ZNF782: variants seen among roughly 807,000 people sequenced by gnomAD.
The protein encoded by ZNF782 is zinc finger protein 782.
A neutral mutation model predicts 13.0 loss-of-function variants in ZNF782; 12 were observed. That is an observed-to-expected ratio of 0.92 (90% confidence interval 0.59 to 1.50). The LOEUF is 1.50. Among genes scored for constraint, ZNF782 ranks in the 40% most tolerant of loss-of-function variants. The pLI, the probability that ZNF782 is intolerant of heterozygous loss-of-function variation, is 0.00. For missense variants in ZNF782, 770 were observed against 822.9 expected (o/e 0.94, Z 0.79); for synonymous variants, 284 against 283.0 (o/e 1.00, Z -0.04).
At chr9:96,921,350 C>T in the ZNF782 span, among the ~76,000 whole-genome samples, 3 of 139,610 alleles carry the variant, frequency 2.1e-5, no homozygotes, top group Admixed American at 7.2e-5. Flanking sequence ...CTGGCTAACA[C>T]GGTGAAAGCC....
At chr9:96,858,343 T>C (rs1383536256), upstream of ZNF782, among the ~76,000 whole-genome samples, 1 of 152,182 alleles carries the variant, frequency 6.6e-6, no homozygotes, top group East Asian at 1.9e-4. This position sits in a 1 kb window ranked among gnomAD's most constrained non-coding sequence, Gnocchi z 4.4. Context: ...CACCCAATGC[T>C]CACCTCACTC....
Position 96,818,218 on chromosome 9 carries a change from T to C in ZNF782, c.1805A>G (p.Lys602Arg). 6.2e-7 allele frequency: 1 copy of C among 1,614,028 alleles called. No individual in the cohort carries two copies. The change falls in exon 6 of 6, where the codon AAA becomes AGA. Residue 602 changes from lysine to arginine, a missense_variant. Lys to Arg is a conservative substitution (Grantham distance 26). Transcript: ENST00000481138. ...TCTCTGATGCCCTCTGAGATTTGAT[T>C]TCTGCCTGAATGTTTTTCCACACTC... ...CEECGKTFRQ[K>R]SNLRGHQRTH... is the part of the protein sequence containing the mutation.
chr9:96,925,040 G>C, the ZNF782 span, among the ~76,000 whole-genome samples: 1 of 152,174 alleles, frequency 6.6e-6, no homozygotes, highest in Non-Finnish European at 1.5e-5. Flanking sequence ...TTTATTTTTA[G>C]GTAACACCAC....
intron 1 of ZNF782, among the ~76,000 whole-genome samples, chr9:96,863,448 G>C (rs12236179): frequency 4.6e-5 from 7 of 151,944 alleles, no homozygotes; most frequent in Admixed American, 1.3e-4. Flanking sequence ...TATGGAAAAC[G>C]GTGTGGGGAT....
At chr9:96,830,524 C>T (rs1446089920) in intron 4 of ZNF782, among the ~76,000 whole-genome samples, 1 of 152,138 alleles carries the variant, frequency 6.6e-6, no homozygotes, top group Non-Finnish European at 1.5e-5. Context: ...CTCTAGGTGC[C>T]GACAGAGGCT....
At chr9:96,910,339 G>A in the ZNF782 span, 37 of 598,650 alleles carry the variant, frequency 6.2e-5, 1 homozygote, top group South Asian at 5.0e-4. Flanking sequence ...CAGGCAAGCG[G>A]GCAGCTGAAG....
chr9:96,885,984 A>G, the ZNF782 span, among the ~76,000 whole-genome samples: 2 of 152,200 alleles, frequency 1.3e-5, no homozygotes, highest in South Asian at 4.2e-4. Context: ...AGCAGCTGGG[A>G]CCACAGGCAC....
rs780745729 is a variant in ZNF782, at chr9:96,818,012, C to T, written c.2011G>A (p.Glu671Lys). 2.5e-6 allele frequency: 4 copies of T among 1,613,940 alleles called. No homozygotes were observed. The highest frequency in any genetic ancestry group is 1.7e-5 in the Admixed American group (1 of 59,998). ...LRVHQRTHTG[E>K]KPYKCDKCGR... ...CATTTATCACATTTATAGGGTTTCT[C>T]CCCTGTGTGAGTTCTCTGATGTACT... Residue 671 changes from glutamate (E) to lysine (K), a missense_variant, in exon 6 of 6, where the codon GAG becomes AAG. Glu to Lys is a moderately conservative substitution (Grantham distance 56). Transcript: ENST00000481138.
At chr9:96,893,917 G>A in the ZNF782 span, 98 of 141,538 alleles carry the variant, frequency 6.9e-4, 14 homozygotes, top group African/African-American at 2.9e-3. Flanking sequence ...GGAGAATGCC[G>A]TGAACCCGGG....
At chr9:96,871,163 G>C (rs535440145) in intron 1 of ZNF782, among the ~76,000 whole-genome samples, 1 of 152,146 alleles carries the variant, frequency 6.6e-6, no homozygotes, top group Non-Finnish European at 1.5e-5. Flanking sequence ...GAGGTGTCCT[G>C]AAAGTTTCAG....
rs573351688 is a variant in ZNF782, at chr9:96,872,772, G to A, written c.-457+2696C>T. 7.2e-5 allele frequency among the ~76,000 whole-genome samples: 11 copies of A among 152,022 alleles called. No individual in the cohort carries two copies. In the South Asian group the frequency reaches 2.3e-3, roughly 32 times the overall value. ...TTATTACACTTAAAATCACTCTCTG[G>A]CCACAATACTTAGTGGCATAGCGTA... is the stretch of plus-strand genomic sequence containing the variant. On this transcript the variant is annotated intron_variant, in intron 1 of 5. Transcript: ENST00000498811.
intron 1 of ZNF782, among the ~76,000 whole-genome samples, chr9:96,867,605 C>T (rs751214653): frequency 3.9e-5 from 6 of 152,168 alleles, no homozygotes; most frequent in East Asian, 1.9e-4. Context: ...TTGATCTTTC[C>T]GCTTTCCTAA....
intron 5 of ZNF782, among the ~76,000 whole-genome samples, chr9:96,824,357 C>T (rs865996263): frequency 0.048 from 7,054 of 147,220 alleles, 432 homozygotes; most frequent in African/African-American, 0.16. Context: ...TTCAACAACC[C>T]TTCATGCTAA....
the ZNF782 span, among the ~76,000 whole-genome samples, chr9:96,916,113 G>A: frequency 1.3e-5 from 2 of 151,942 alleles, no homozygotes; most frequent in Non-Finnish European, 1.5e-5. Flanking sequence ...TTAAAGCTTC[G>A]TCTCTTCACT....
chr9:96,887,323 A>AGGGAGGG, the ZNF782 span: 7 of 148,744 alleles, frequency 4.7e-5, no homozygotes, highest in African/African-American at 1.8e-4. Context: ...GGAAGGAAGG[A>AGGGAGGG]AGGAAGGAAG....
the ZNF782 span, among the ~76,000 whole-genome samples, chr9:96,901,506 A>G: frequency 1.3e-5 from 2 of 151,810 alleles, no homozygotes; most frequent in African/African-American, 4.8e-5. Context: ...TCCTGACCTA[A>G]GGAGATCCTC....
chr9:96,827,221 T>C, intron 4 of ZNF782, 40 bp from the exon 5 acceptor site: 2 of 1,434,210 alleles, frequency 1.4e-6, no homozygotes, highest in East Asian at 2.3e-5. Flanking sequence ...ATTAGTTGCA[T>C]AGGTTCTACT....
At chr9:96,891,679 C>T in the ZNF782 span, 2 of 151,962 alleles carry the variant, frequency 1.3e-5, no homozygotes, top group African/African-American at 2.4e-5. Flanking sequence ...CTGCCTCAGC[C>T]TCCCGAGTAC....
chr9:96,903,570 T>G, the ZNF782 span, among the ~76,000 whole-genome samples: 1 of 131,376 alleles, frequency 7.6e-6, no homozygotes, highest in Non-Finnish European at 1.6e-5. Context: ...TTTTTTTTTT[T>G]TTTTTTTTTT....
Sources: allele counts gnomAD v4.1 joint callset (sites outside exome capture counted in the v4.1 genomes callset), GRCh38; gene constraint gnomAD v4.1.1; non-coding constraint Gnocchi (gnomAD v3.1); transcripts MANE v1.5; gene names NCBI Gene and HGNC (gene_info 2026-07-23, HGNC 2026-07-21).